CADPS2: variants seen among roughly 807,000 people sequenced by gnomAD.
CADPS2 encodes calcium-dependent secretion activator 2.
CADPS2 carries 93 observed loss-of-function variants against 172.5 expected under a neutral mutation model. That is an observed-to-expected ratio of 0.54 (90% CI 0.46 to 0.64). The LOEUF (loss-of-function observed/expected upper bound fraction) is 0.64, where lower values mean the gene tolerates loss of function less well. Among genes scored for constraint, CADPS2 ranks in the 30% least tolerant of loss-of-function variants. The pLI, the probability that CADPS2 is intolerant of heterozygous loss-of-function variation, is 0.00. For synonymous variants in CADPS2, 546 were observed against 555.2 expected (o/e 0.98, Z 0.23); for missense variants, 1,420 against 1,565.9 (o/e 0.91, Z 1.57).
chr7:122,828,718 G>A (rs905312807), intron 1 of CADPS2, among the ~76,000 whole-genome samples: 1 of 152,140 alleles, frequency 6.6e-6, no homozygotes, highest in Non-Finnish European at 1.5e-5. Flanking sequence ...GCAAAAGTCT[G>A]TTAGCAACAA....
chr7:122,430,369 C>G (rs967202066), intron 17 of CADPS2, among the ~76,000 whole-genome samples: 15 of 152,152 alleles, frequency 9.9e-5, no homozygotes, highest in Admixed American at 5.9e-4. Flanking sequence ...ACAGTAGGAA[C>G]TGTTATCAAA....
At chr7:122,570,267 A>C (rs1318890999) in intron 7 of CADPS2, among the ~76,000 whole-genome samples, 2 of 152,222 alleles carry the variant, frequency 1.3e-5, no homozygotes, top group Admixed American at 6.5e-5. Flanking sequence ...ATGCAGCCAA[A>C]AGACACATGA....
At chr7:122,343,597 C>A (rs1446089811) in intron 28 of CADPS2, among the ~76,000 whole-genome samples, 2 of 152,158 alleles carry the variant, frequency 1.3e-5, no homozygotes, top group East Asian at 3.9e-4. Context: ...AAATAGGTCA[C>A]CGAGTCAAAA....
chr7:122,668,227 G>GA (rs1466241914), intron 2 of CADPS2, among the ~76,000 whole-genome samples: 5 of 115,794 alleles, frequency 4.3e-5, no homozygotes, highest in Non-Finnish European at 7.1e-5. Flanking sequence ...ATAAGAGAGG[G>GA]AAAATTGGAA....
At chr7:122,874,279 C>T (rs952418523) in intron 1 of CADPS2, among the ~76,000 whole-genome samples, 2 of 152,150 alleles carry the variant, frequency 1.3e-5, no homozygotes, top group East Asian at 3.9e-4. Context: ...AACTCCCACT[C>T]ACAATTGCTA....
intron 4 of CADPS2, among the ~76,000 whole-genome samples, chr7:122,627,948 G>A (rs550859073): frequency 6.6e-6 from 1 of 152,252 alleles, no homozygotes; most frequent in Admixed American, 6.5e-5. Context: ...TCTCTAGAAT[G>A]AAATACCACC....
intron 20 of CADPS2, among the ~76,000 whole-genome samples, chr7:122,403,679 AT>A (rs1435687779): frequency 6.6e-6 from 1 of 152,196 alleles, no homozygotes; most frequent in Admixed American, 6.5e-5. Context: ...TTACACTTGC[AT>A]TGAAAAACCT....
intron 20 of CADPS2, among the ~76,000 whole-genome samples, chr7:122,402,854 G>A (rs2046133212): frequency 6.6e-6 from 1 of 152,158 alleles, no homozygotes; most frequent in Non-Finnish European, 1.5e-5. Context: ...TGGACATTCA[G>A]AGCTCTCTGT....
At position 122,393,586 on chromosome 7, in the gene CADPS2, A is replaced by C; in HGVS notation, c.2747-4T>G. 1.2e-5 allele frequency: 19 copies of C among 1,613,772 alleles called. No homozygotes were observed. Among genetic ancestry groups the C allele is most frequent in the Non-Finnish European group, 1.6e-5 (19 of 1,179,756 alleles). On this transcript the variant is annotated splice_region_variant and splice_polypyrimidine_tract_variant and intron_variant, in intron 20 of 29. Coordinates refer to ENST00000449022, the MANE Select transcript of CADPS2 (RefSeq NM_017954.11). ...AATTTTCCATTACACAAAAGTGCTG[A>C]AATAGCCAAGCAGAAACAGTGTTTG... is the stretch of plus-strand genomic sequence containing the variant.
At chr7:122,338,066 T>A (rs2036170461) in intron 28 of CADPS2, among the ~76,000 whole-genome samples, 1 of 152,200 alleles carries the variant, frequency 6.6e-6, no homozygotes, top group African/African-American at 2.4e-5. Context: ...TAGTACACAA[T>A]GAGGTACTGA....
rs2047278468 is a variant in CADPS2, at chr7:122,411,253, C to T, written c.2589+2815G>A. Among the ~76,000 whole-genome samples the T allele has an allele frequency of 6.8e-5, 10 of 147,526 alleles. No homozygotes were observed. In the South Asian group the frequency reaches 2.1e-3, roughly 31 times the overall value. On this transcript the variant is annotated intron_variant, in intron 19 of 29. Coordinates refer to ENST00000449022, the MANE Select transcript of CADPS2 (RefSeq NM_017954.11). ...TTTTTTTTTTTGAGGTGGACTCTTGCTCTGTCGCCCAGGCTGGAGTGCAGC... is the reference window on the plus strand; with the variant it reads ...TTTTTTTTTTTGAGGTGGACTCTTGTTCTGTCGCCCAGGCTGGAGTGCAGC...
At chr7:122,679,357 C>A (rs1588362666) in intron 2 of CADPS2, among the ~76,000 whole-genome samples, 1 of 150,026 alleles carries the variant, frequency 6.7e-6, no homozygotes, top group East Asian at 2.0e-4. Context: ...TCCTGCAGCA[C>A]CCCCAGGCTT....
intron 8 of CADPS2, among the ~76,000 whole-genome samples, chr7:122,524,965 T>C (rs1159546787): frequency 1.3e-5 from 2 of 151,946 alleles, no homozygotes; most frequent in Admixed American, 1.3e-4. Context: ...CTGGGCAACA[T>C]GGCAAAAACC....
intron 1 of CADPS2, among the ~76,000 whole-genome samples, chr7:122,861,146 G>A (rs1816853111): frequency 6.6e-6 from 1 of 152,100 alleles, no homozygotes; most frequent in African/African-American, 2.4e-5. Context: ...TCACATGGTA[G>A]TCCTATTTTT....
At chr7:122,844,301 C>T (rs1208415200) in intron 1 of CADPS2, among the ~76,000 whole-genome samples, 4 of 152,192 alleles carry the variant, frequency 2.6e-5, no homozygotes, top group Admixed American at 1.3e-4. Context: ...GTGGTAATCA[C>T]GCCCTTTCAT....
intron 9 of CADPS2, among the ~76,000 whole-genome samples, chr7:122,503,109 G>A (rs2059346331): frequency 7.0e-6 from 1 of 142,586 alleles, no homozygotes. Flanking sequence ...TCGGCTCACT[G>A]TAACCTCTGC....
intron 1 of CADPS2, among the ~76,000 whole-genome samples, chr7:122,852,606 T>A (rs1813978154): frequency 6.6e-6 from 1 of 152,072 alleles, no homozygotes; most frequent in African/African-American, 2.4e-5. Flanking sequence ...GAAGGAACTT[T>A]CAGGTACAGA....
At chr7:122,377,522 T>C (rs1464804648) in intron 25 of CADPS2, among the ~76,000 whole-genome samples, 1 of 152,148 alleles carries the variant, frequency 6.6e-6, no homozygotes, top group Non-Finnish European at 1.5e-5. Flanking sequence ...AAAGGCAACT[T>C]CCGCATGAGG....
In CADPS2 at chr7:122,436,483, A is replaced by T. The variant is rs192293036; in HGVS notation, c.2476+1858T>A. ...CTAACTTAAGTTTGATTTGGTTCTT[A>T]GTCTAGTCCTGAGGATAAAACATAA... On this transcript the variant is annotated intron_variant, in intron 17 of 29. Coordinates refer to ENST00000449022, the MANE Select transcript of CADPS2 (RefSeq NM_017954.11). 4.6e-5 allele frequency: 22 copies of T among 473,320 alleles called. No homozygotes were observed. The East Asian group carries it at 2.2e-3, about 47-fold the overall frequency. 29.3% of individuals were successfully genotyped at this position (473,320 alleles called of 1,614,324 possible). A position where few individuals can be genotyped will look rare whatever the true frequency, so the allele number is the denominator to read the frequency against.
Sources: gnomAD v4.1 joint callset for allele counts (sites outside exome capture counted in the v4.1 genomes callset) on GRCh38, gnomAD v4.1.1 for gene constraint, MANE v1.5 for transcripts, NCBI Gene and HGNC (gene_info 2026-07-23, HGNC 2026-07-21) for gene names.